CFAP46: variants seen among roughly 807,000 people sequenced by gnomAD.
CFAP46 encodes cilia and flagella associated protein 46, also known as cilia- and flagella-associated protein 46.
Under a neutral mutation model 325.7 loss-of-function variants are expected in CFAP46, and 245 were observed. The ratio of observed to expected loss-of-function variants is 0.75; its 90% CI spans 0.68 to 0.84. The LOEUF is 0.84. Among genes scored for constraint, CFAP46 ranks in the 40% least tolerant of loss-of-function variants. The pLI is 0.00. For missense variants in CFAP46, 3,346 were observed against 3,543.0 expected, an observed-to-expected ratio of 0.94 and a Z score of 1.41; for synonymous variants, 1,523 against 1,495.9, an observed-to-expected ratio of 1.02 and a Z score of -0.42.
chr10:132,911,763 G>A (rs576109577), intron 19 of CFAP46, among the ~76,000 whole-genome samples: 3 of 152,322 alleles, frequency 2.0e-5, no homozygotes, highest in African/African-American at 7.2e-5. Context: ...TGGGTCTGCT[G>A]CATTTTACTG....
intron 45 of CFAP46, 88 bp from the exon 46 acceptor site, chr10:132,836,306 A>G: frequency 8.0e-7 from 1 of 1,248,266 alleles, no homozygotes; most frequent in Non-Finnish European, 1.2e-6. Flanking sequence ...AGAGGAGCCC[A>G]GTGAGGCCAA....
intron 29 of CFAP46, 120 bp downstream of exon 29, chr10:132,879,306 G>T: frequency 1.0e-6 from 1 of 1,003,960 alleles, no homozygotes; most frequent in African/African-American, 1.6e-5. Flanking sequence ...ACATCTCAAA[G>T]GTCTTTAGGA....
At chr10:132,937,715 A>G in intron 5 of CFAP46, 40 bp from the exon 6 acceptor site, 3 of 1,565,896 alleles carry the variant, frequency 1.9e-6, no homozygotes, top group Non-Finnish European at 2.6e-6. Flanking sequence ...CCTGGTTGAA[A>G]CTGTTTTCTC....
intron 25 of CFAP46, among the ~76,000 whole-genome samples, chr10:132,890,341 C>T (rs1332512647): frequency 6.6e-6 from 1 of 152,230 alleles, no homozygotes; most frequent in Non-Finnish European, 1.5e-5. Context: ...TGACAAGAAT[C>T]ACATGCCGGG....
chr10:132,909,921 G>GC lies in CFAP46; in HGVS notation c.2646dup (p.Gln883AlafsTer5). 1 of 1,454,750 alleles carries GC rather than the reference G, an allele frequency of 6.9e-7. No homozygotes were observed. Among genetic ancestry groups the GC allele is most frequent in the Non-Finnish European group, 9.0e-7 (1 of 1,105,332 alleles). 90.1% of individuals were successfully genotyped at this position (1,454,750 alleles called of 1,614,324 possible). On this transcript the variant is annotated frameshift_variant, in exon 20 of 58. Coordinates refer to ENST00000368586, the MANE Select transcript of CFAP46 (RefSeq NM_001200049.3). LOFTEE classifies it high-confidence loss of function. ...CAGATGTGGGCAGGGGCGCCCACCT[G>GC]CTCCTCGGTGCCCAGCCGTGGCCCA... is the stretch of plus-strand genomic sequence containing the variant.
chr10:132,942,356 T>TC, intron 1 of CFAP46, 80 bp downstream of exon 1: 5 of 952,524 alleles, frequency 5.2e-6, no homozygotes, highest in Admixed American at 3.7e-5. Flanking sequence ...GATGAGAGGG[T>TC]CCGGGGCCTC....
At chr10:132,836,433 C>A (rs1419162852) in intron 45 of CFAP46, among the ~76,000 whole-genome samples, 1 of 152,180 alleles carries the variant, frequency 6.6e-6, no homozygotes. Context: ...ATGCACCGGG[C>A]ACTTGGCCAC....
chr10:132,876,749 G>C lies in CFAP46; in HGVS notation c.4362+63C>G, dbSNP rs902553325. 6.8e-7 allele frequency: 1 copy of C among 1,472,028 alleles called. No homozygotes were observed. The highest frequency in any genetic ancestry group is 9.1e-7 in the Non-Finnish European group (1 of 1,102,892). The allele number at this position is 1,472,028 out of a possible 1,614,324, so 91.2% of individuals were successfully genotyped here. On this transcript the variant is annotated intron_variant, in intron 31 of 57. Coordinates refer to ENST00000368586, the MANE Select transcript of CFAP46 (RefSeq NM_001200049.3). This position sits in a 1 kb window ranked among gnomAD's most constrained non-coding sequence, Gnocchi z 4.1. The stretch of plus-strand genomic sequence containing the variant: ...GTTCACAGTGAAAACTGGACTTGGG[G>C]ACAGGTCAAGGGGACACCATGCTGT...
chr10:132,933,174 C>A (rs567078322), intron 8 of CFAP46, among the ~76,000 whole-genome samples: 78 of 152,304 alleles, frequency 5.1e-4, no homozygotes, highest in African/African-American at 1.8e-3. Flanking sequence ...GGGTGGGGTG[C>A]GGACGCTTCT....
chr10:132,816,543 G>A (rs1847699253), intron 50 of CFAP46, among the ~76,000 whole-genome samples: 1 of 152,042 alleles, frequency 6.6e-6, no homozygotes, highest in Non-Finnish European at 1.5e-5. Flanking sequence ...GTGTTAGCCA[G>A]GATGGTCTCG....
chr10:132,935,652 A>G (rs1190018513), intron 7 of CFAP46, among the ~76,000 whole-genome samples: 26 of 129,986 alleles, frequency 2.0e-4, no homozygotes, highest in Non-Finnish European at 2.7e-4. Context: ...CACTCCCCTC[A>G]GCACCCAAAC....
intron 5 of CFAP46, among the ~76,000 whole-genome samples, chr10:132,938,197 T>C (rs938660112): frequency 6.6e-6 from 1 of 152,212 alleles, no homozygotes; most frequent in African/African-American, 2.4e-5. Flanking sequence ...CCCAACTTCC[T>C]CGCAGGGCTG....
At position 132,904,289 on chromosome 10, in the gene CFAP46, C is replaced by T. The variant is rs79286333; in HGVS notation, c.2924+4179G>A. 3.0e-3 allele frequency among the ~76,000 whole-genome samples: 456 copies of T among 152,362 alleles called. 6 individuals are homozygous for T. The highest frequency in any genetic ancestry group is 0.025 in the East Asian group (128 of 5,190). ...CCACATCATCTCCTGCTGAGCAGCA[C>T]GCCTGCGGGTTCTCTCCAGTCTCCT... On this transcript the variant is annotated intron_variant, in intron 22 of 57. Transcript: ENST00000368586.
At chr10:132,857,460 G>A in intron 39 of CFAP46, 130 bp downstream of exon 39, 1 of 839,238 alleles carries the variant, frequency 1.2e-6, no homozygotes. Context: ...TCAGATGGGG[G>A]AGTATCTGAT....
chr10:132,844,494 G>A (rs1174946429), intron 44 of CFAP46, among the ~76,000 whole-genome samples: 1 of 152,206 alleles, frequency 6.6e-6, no homozygotes, highest in African/African-American at 2.4e-5. Flanking sequence ...TGGGCCTGCT[G>A]TGGTCTACGA....
At chr10:132,834,617 C>A in intron 48 of CFAP46, 37 bp downstream of exon 48, 1 of 1,607,526 alleles carries the variant, frequency 6.2e-7, no homozygotes, top group Non-Finnish European at 8.5e-7. Flanking sequence ...CATGCGTGAG[C>A]GTGGTGGGGT....
At chr10:132,829,591 C>A (rs2134970581) in intron 50 of CFAP46, among the ~76,000 whole-genome samples, 1 of 152,358 alleles carries the variant, frequency 6.6e-6, no homozygotes, top group South Asian at 2.1e-4. Flanking sequence ...GTGAGCGGCC[C>A]TGCCTGGCTG....
intron 8 of CFAP46, among the ~76,000 whole-genome samples, chr10:132,934,002 C>T (rs1185677688): frequency 2.6e-5 from 4 of 152,166 alleles, no homozygotes; most frequent in South Asian, 4.1e-4. Flanking sequence ...GACCTGTGCC[C>T]GGGTACCTGA....
intron 24 of CFAP46, among the ~76,000 whole-genome samples, chr10:132,896,092 C>G (rs111343242): frequency 7.6e-5 from 10 of 131,560 alleles, no homozygotes; most frequent in African/African-American, 2.7e-4. Context: ...CAGCCAGGCT[C>G]TGTGTGCCAC....
Sources: gnomAD v4.1 joint callset for allele counts (sites outside exome capture counted in the v4.1 genomes callset) on GRCh38, gnomAD v4.1.1 for gene constraint, Gnocchi (gnomAD v3.1) non-coding constraint, MANE v1.5 for transcripts, NCBI Gene and HGNC (gene_info 2026-07-23, HGNC 2026-07-21) for gene names.